The following OR51E1 variants were observed in gnomAD, a reference collection of about 807,000 sequenced individuals.
OR51E1 encodes olfactory receptor 51E1.
In OR51E1, 9 loss-of-function variants were observed where a neutral mutation model predicts 11.5. The ratio of observed to expected loss-of-function variants is 0.78; its 90% CI spans 0.47 to 1.37. OR51E1 has a LOEUF of 1.37. Ranked by LOEUF, OR51E1 falls within the 40% of genes most tolerant of loss-of-function variation. The pLI, the probability that OR51E1 is intolerant of heterozygous loss-of-function variation, is 0.00. For synonymous variants in OR51E1, 168 were observed against 158.3 expected (o/e 1.06, Z -0.46); for missense variants, 397 against 410.2 (o/e 0.97, Z 0.28).
chr11:4,644,797 A>T lies in OR51E1; in HGVS notation c.-40+767A>T, dbSNP rs1161731522. On this transcript the variant is annotated intron_variant, in intron 1 of 1. Coordinates refer to ENST00000396952, the MANE Select transcript of OR51E1 (RefSeq NM_152430.4). ...CTGAAATTCCCCCAAGTCACTCAGA[A>T]TTAAACCAAAGCTCCTTGCCATACC... 2.6e-5 allele frequency among the ~76,000 whole-genome samples: 4 copies of T among 152,116 alleles called. No individual in the cohort carries two copies. In the East Asian group the frequency reaches 7.7e-4, roughly 29 times the overall value.
In OR51E1 at chr11:4,653,179, C is replaced by T. The variant is rs1324232915; in HGVS notation, c.653C>T (p.Ser218Phe). ...SAIGLDSLLISFSYLLILKTV... is the reference protein window; with the variant it reads ...SAIGLDSLLIFFSYLLILKTV... ...ATTGGCCTGGACTCACTTCTCATCT[C>T]CTTCTCATATCTGCTTATTCTTAAG... Residue 218 changes from serine (S) to phenylalanine (F), a missense_variant, in exon 2 of 2, where the codon TCC (serine) becomes TTC (phenylalanine). Ser to Phe is a radical substitution (Grantham distance 155). Coordinates refer to ENST00000396952, the MANE Select transcript of OR51E1 (RefSeq NM_152430.4). 1 of 1,614,114 alleles carries T rather than the reference C, an allele frequency of 6.2e-7. No individual in the cohort carries two copies. Among genetic ancestry groups the T allele is most frequent in the South Asian group, 1.1e-5 (1 of 91,070 alleles).
intron 1 of OR51E1, among the ~76,000 whole-genome samples, chr11:4,645,176 T>C: frequency 6.6e-6 from 1 of 152,206 alleles, no homozygotes; most frequent in East Asian, 1.9e-4. Flanking sequence ...TTCTCATTAT[T>C]GGCCTCGTGT....
chr11:4,652,030 A>G (rs1363929733), intron 1 of OR51E1, among the ~76,000 whole-genome samples: 1 of 152,244 alleles, frequency 6.6e-6, no homozygotes, highest in African/African-American at 2.4e-5. Flanking sequence ...TTAATCTGTT[A>G]CTACTAGTGT....
Position 4,653,055 on chromosome 11 carries a change from C to T in OR51E1, c.529C>T (p.Leu177Phe). ...GCTGCCCTTCTGCCGCTCCAATATC[C>T]TTTCCCATTCCTACTGCCTACACCA... is the stretch of plus-strand genomic sequence containing the variant. ...KQLPFCRSNI[L>F]SHSYCLHQDV... is the part of the protein sequence containing the mutation. The change falls in exon 2 of 2, where the codon CTT (leucine) becomes TTT (phenylalanine). Residue 177 changes from leucine to phenylalanine, a missense_variant. Physicochemically the swap from Leu to Phe is conservative, Grantham distance 22. Transcript: ENST00000396952. 1 of 1,613,856 alleles carries T rather than the reference C, an allele frequency of 6.2e-7. No individual in the cohort carries two copies.
chr11:4,645,129 C>T (rs899955544), intron 1 of OR51E1, among the ~76,000 whole-genome samples: 9 of 152,298 alleles, frequency 5.9e-5, no homozygotes, highest in Non-Finnish European at 1.0e-4. Context: ...CTCTTTCTTT[C>T]GTGCCCTTAT....
In OR51E1 at chr11:4,653,630, C is replaced by A. The variant is rs1255225805; in HGVS notation, c.*147C>A. The A allele has an allele frequency of 3.6e-6, 2 of 558,442 alleles. No homozygotes were observed. The highest frequency in any genetic ancestry group is 3.2e-6 in the Non-Finnish European group (1 of 310,100). 34.6% of individuals were successfully genotyped at this position (558,442 alleles called of 1,614,324 possible). ...AAATATGAAACTGGTTGGGGAATCT[C>A]CATTTTTTCAATATTATTTTCTTCT... On this transcript the variant is annotated 3_prime_UTR_variant, in exon 2 of 2. Coordinates refer to ENST00000396952, the MANE Select transcript of OR51E1 (RefSeq NM_152430.4).
At chr11:4,647,690 G>T (rs903306381) in intron 1 of OR51E1, among the ~76,000 whole-genome samples, 1 of 152,128 alleles carries the variant, frequency 6.6e-6, no homozygotes, top group Non-Finnish European at 1.5e-5. Flanking sequence ...ACAGCTGGGA[G>T]CTCCTGTTCC....
chr11:4,647,965 C>G (rs1847048923), intron 1 of OR51E1, among the ~76,000 whole-genome samples: 1 of 152,176 alleles, frequency 6.6e-6, no homozygotes, highest in Non-Finnish European at 1.5e-5. Flanking sequence ...AACAGCTGCT[C>G]AAGCTGGAAG....
intron 1 of OR51E1, among the ~76,000 whole-genome samples, chr11:4,645,580 A>G (rs16924294): frequency 0.19 from 29,324 of 152,208 alleles, 3,117 homozygotes; most frequent in Admixed American, 0.31. Context: ...GTCAATGATT[A>G]TTGAAAAAAT....
chr11:4,644,783 C>T (rs1847008062), intron 1 of OR51E1, among the ~76,000 whole-genome samples: 1 of 152,092 alleles, frequency 6.6e-6, no homozygotes, highest in Non-Finnish European at 1.5e-5. Context: ...TGAAATTCCC[C>T]CAAGTCACTC....
Position 4,653,529 on chromosome 11 carries a change from G to T in OR51E1, c.*46G>T. Reference sequence around the variant, plus strand: ...TTTCCATTCAGAGTCCTCTGATTCAGATTTTAATGTTAACATTTTGGAAGA... The same window carrying T: ...TTTCCATTCAGAGTCCTCTGATTCATATTTTAATGTTAACATTTTGGAAGA... On this transcript the variant is annotated 3_prime_UTR_variant, in exon 2 of 2. Transcript: ENST00000396952. 1 of 1,167,394 alleles carries T rather than the reference G, an allele frequency of 8.6e-7. No individual in the cohort carries two copies. Among genetic ancestry groups the T allele is most frequent in the Non-Finnish European group, 1.2e-6 (1 of 817,734 alleles). 72.3% of individuals were successfully genotyped at this position (1,167,394 alleles called of 1,614,324 possible). A position where few individuals can be genotyped will look rare whatever the true frequency, so the allele number is the denominator to read the frequency against.
chr11:4,652,645 T>C lies in OR51E1; in HGVS notation c.119T>C (p.Ile40Thr), dbSNP rs1847113617. Reference sequence around the variant, plus strand: ...TTCCCATTGTGCTCCCTCTACCTTATTGCTGTGCTAGGTAACTTGACAATC... The same window carrying C: ...TTCCCATTGTGCTCCCTCTACCTTACTGCTGTGCTAGGTAACTTGACAATC... ...LAFPLCSLYL[I>T]AVLGNLTIIY... The change falls in exon 2 of 2, where the codon ATT becomes ACT. Residue 40 changes from isoleucine to threonine, a missense_variant. Ile to Thr is a moderately conservative substitution (Grantham distance 89). Coordinates refer to ENST00000396952, the MANE Select transcript of OR51E1 (RefSeq NM_152430.4). The C allele has an allele frequency of 6.2e-7, 1 of 1,614,018 alleles. No individual in the cohort carries two copies. The highest frequency in any genetic ancestry group is 1.3e-5 in the African/African-American group (1 of 74,936).
intron 1 of OR51E1, among the ~76,000 whole-genome samples, chr11:4,651,089 A>G (rs191522956): frequency 8.5e-5 from 13 of 152,304 alleles, no homozygotes; most frequent in Admixed American, 8.5e-4. Flanking sequence ...AGACACATAC[A>G]ATCTGAGATG....
chr11:4,652,651 T>C lies in OR51E1; in HGVS notation c.125T>C (p.Val42Ala), dbSNP rs780047906. The C allele has an allele frequency of 6.2e-7, 1 of 1,614,142 alleles. No homozygotes were observed. Among genetic ancestry groups the C allele is most frequent in the Admixed American group, 1.7e-5 (1 of 60,028 alleles). The change falls in exon 2 of 2, where the codon GTG becomes GCG. Residue 42 changes from valine to alanine, a missense_variant. By Grantham distance (64) the Val-to-Ala change is moderately conservative (BLOSUM62 0). Coordinates refer to ENST00000396952, the MANE Select transcript of OR51E1 (RefSeq NM_152430.4). ...FPLCSLYLIA[V>A]LGNLTIIYIV... ...TTGTGCTCCCTCTACCTTATTGCTG[T>C]GCTAGGTAACTTGACAATCATCTAC...
At chr11:4,644,647 T>C (rs975091625) in intron 1 of OR51E1, among the ~76,000 whole-genome samples, 1 of 152,152 alleles carries the variant, frequency 6.6e-6, no homozygotes, top group South Asian at 2.1e-4. Context: ...CCCCTTGCCT[T>C]GTACTCTTTA....
chr11:4,649,335 A>G (rs1260868500), intron 1 of OR51E1, among the ~76,000 whole-genome samples: 2 of 152,218 alleles, frequency 1.3e-5, no homozygotes, highest in African/African-American at 2.4e-5. Flanking sequence ...GATGTGAACA[A>G]TGAGTGTGGG....
Position 4,653,082 on chromosome 11 carries a change from G to T in OR51E1, c.556G>T (p.Asp186Tyr), listed in dbSNP as rs1204202258. The T allele has an allele frequency of 6.2e-7, 1 of 1,614,066 alleles. No homozygotes were observed. ...TTCCCATTCCTACTGCCTACACCAA[G>T]ATGTCATGAAGCTGGCCTGTGATGA... ...ILSHSYCLHQ[D>Y]VMKLACDDIR... The change falls in exon 2 of 2, where the codon GAT becomes TAT. Residue 186 changes from aspartate (D) to tyrosine (Y), a missense_variant. By Grantham distance (160) the Asp-to-Tyr change is radical (BLOSUM62 -3). Coordinates refer to ENST00000396952, the MANE Select transcript of OR51E1 (RefSeq NM_152430.4).
At position 4,652,962 on chromosome 11, in the gene OR51E1, A is replaced by G; in HGVS notation, c.436A>G (p.Lys146Glu). The change falls in exon 2 of 2, where the codon AAA (lysine) becomes GAA (glutamate). Residue 146 changes from lysine to glutamate, a missense_variant. By Grantham distance (56) the Lys-to-Glu change is moderately conservative. Coordinates refer to ENST00000396952, the MANE Select transcript of OR51E1 (RefSeq NM_152430.4). ...AGTACTTACGTTGCCTCGTGTCACC[A>G]AAATTGGTGTGGCTGCTGTGGTGCG... ...ATVLTLPRVT[K>E]IGVAAVVRGA... The G allele has an allele frequency of 1.9e-6, 3 of 1,605,822 alleles. No homozygotes were observed. The highest frequency in any genetic ancestry group is 2.6e-6 in the Non-Finnish European group (3 of 1,175,430).
intron 1 of OR51E1, among the ~76,000 whole-genome samples, chr11:4,650,060 T>C (rs1847074869): frequency 6.6e-6 from 1 of 152,162 alleles, no homozygotes; most frequent in South Asian, 2.1e-4. Context: ...TTTTTGAACA[T>C]GGAGAGTTTG....
Sources: allele counts gnomAD v4.1 joint callset (sites outside exome capture counted in the v4.1 genomes callset), GRCh38; gene constraint gnomAD v4.1.1; transcripts MANE v1.5; gene names NCBI Gene and HGNC (gene_info 2026-07-23, HGNC 2026-07-21).